Variants in NECAB1 observed in about 807,000 individuals in gnomAD.
NECAB1 encodes N-terminal EF-hand calcium-binding protein 1.
Under a neutral mutation model 57.5 loss-of-function variants are expected in NECAB1, and 29 were observed. The observed-to-expected ratio is 0.50, with a 90% CI of 0.38 to 0.69. NECAB1 has a LOEUF of 0.69. Among genes scored for constraint, NECAB1 ranks in the 30% least tolerant of loss-of-function variants. The probability of loss-of-function intolerance (pLI) is 0.00; values close to 1 mark genes in which losing one functional copy is unlikely to be tolerated. For synonymous variants in NECAB1, 142 were observed against 147.7 expected (o/e 0.96, Z 0.28); for missense variants, 372 against 413.8 (o/e 0.90, Z 0.88).
chr8:90,906,462 CA>C (rs1328385257), intron 5 of NECAB1, among the ~76,000 whole-genome samples: 2 of 152,032 alleles, frequency 1.3e-5, no homozygotes, highest in Non-Finnish European at 2.9e-5. Context: ...TCTGTTCTTC[CA>C]AAAGTTGTTA....
chr8:90,940,689 T>C, intron 9 of NECAB1, 97 bp from the exon 10 acceptor site: 1 of 834,100 alleles, frequency 1.2e-6, no homozygotes, highest in Non-Finnish European at 2.0e-6. Context: ...ATGACAATCA[T>C]CTGTTTTTGT....
chr8:90,876,801 G>C (rs560161126), intron 4 of NECAB1, among the ~76,000 whole-genome samples: 11 of 152,038 alleles, frequency 7.2e-5, no homozygotes, highest in Non-Finnish European at 1.0e-4. Context: ...CTAATATTCA[G>C]ACTCTACTTT....
At position 90,955,117 on chromosome 8, in the gene NECAB1, TA is replaced by T. The variant is rs1811005757; in HGVS notation, c.1031-369del. On this transcript the variant is annotated intron_variant, in intron 12 of 12. Transcript: ENST00000417640. ...ATAAATATTGGGTATATAAATTATA[TA>T]TATATATATATATATATATATATAT... Among the ~76,000 whole-genome samples, 19 of 86,860 alleles carry T rather than the reference TA, an allele frequency of 2.2e-4. 1 individual carries two copies. The highest frequency in any genetic ancestry group is 1.4e-3 in the African/African-American group (19 of 14,020). 57.0% of individuals were successfully genotyped at this position (86,860 alleles called of 152,430 possible).
intron 2 of NECAB1, among the ~76,000 whole-genome samples, chr8:90,824,510 C>T (rs1389307927): frequency 1.3e-5 from 2 of 151,772 alleles, no homozygotes; most frequent in African/African-American, 4.8e-5. Flanking sequence ...ACCTTGTAGA[C>T]TTATATTTTA....
At chr8:90,826,044 T>C (rs1489003330) in intron 3 of NECAB1, among the ~76,000 whole-genome samples, 1 of 151,850 alleles carries the variant, frequency 6.6e-6, no homozygotes, top group East Asian at 1.9e-4. Context: ...TTTAGCCCAA[T>C]TTTTTAGGCT....
At chr8:90,945,324 C>T (rs980696479) in intron 10 of NECAB1, among the ~76,000 whole-genome samples, 3 of 152,160 alleles carry the variant, frequency 2.0e-5, no homozygotes, top group Non-Finnish European at 4.4e-5. Context: ...CCTCAGTCTC[C>T]CAAAGTGCTG....
At chr8:90,812,657 T>G (rs1312853397) in intron 2 of NECAB1, 1 of 152,152 alleles carries the variant, frequency 6.6e-6, no homozygotes, top group Admixed American at 6.5e-5. Context: ...TTTTTCTACC[T>G]GATATCTGAG....
At chr8:90,906,881 A>ATATATATATGTATATATATATATATG (rs1563528196) in intron 5 of NECAB1, among the ~76,000 whole-genome samples, 1 of 112,646 alleles carries the variant, frequency 8.9e-6, no homozygotes, top group African/African-American at 4.1e-5. Context: ...ATACACATAT[A>ATATATATATGTATATATATATATATG]TATATATATA....
At chr8:90,891,401 G>A (rs1040794791) in intron 5 of NECAB1, among the ~76,000 whole-genome samples, 16 of 151,936 alleles carry the variant, frequency 1.1e-4, no homozygotes, top group African/African-American at 3.4e-4. Flanking sequence ...TTGTTTATTT[G>A]TAAGTTTCCT....
chr8:90,957,732 G>A lies in NECAB1; in HGVS notation c.*2220G>A, dbSNP rs1811058331. 6.8e-6 allele frequency: 1 copy of A among 146,708 alleles called. No homozygotes were observed. The highest frequency in any genetic ancestry group is 1.5e-5 in the Non-Finnish European group (1 of 66,898). The allele number at this position is 146,708 out of a possible 1,614,324, so 9.1% of individuals were successfully genotyped here. Reference sequence around the variant, plus strand: ...AAAAAAAGAAAAAACTGGGACCTAAGTATAAATATCTCATCCTAAAGTAAA... The same window carrying A: ...AAAAAAAGAAAAAACTGGGACCTAAATATAAATATCTCATCCTAAAGTAAA... On this transcript the variant is annotated 3_prime_UTR_variant, in exon 13 of 13. Coordinates refer to ENST00000417640, the MANE Select transcript of NECAB1 (RefSeq NM_022351.5).
At chr8:90,861,666 T>C (rs1490504000) in intron 3 of NECAB1, among the ~76,000 whole-genome samples, 1 of 152,202 alleles carries the variant, frequency 6.6e-6, no homozygotes, top group Non-Finnish European at 1.5e-5. Flanking sequence ...TATTAAGCAC[T>C]GGGCTAAAGA....
chr8:90,832,139 T>C (rs1454629193), intron 3 of NECAB1, among the ~76,000 whole-genome samples: 1 of 152,164 alleles, frequency 6.6e-6, no homozygotes, highest in Non-Finnish European at 1.5e-5. Context: ...GAAACCCATT[T>C]ACTTGCTTTA....
At chr8:90,851,941 A>AC in intron 3 of NECAB1, among the ~76,000 whole-genome samples, 1 of 151,294 alleles carries the variant, frequency 6.6e-6, no homozygotes, top group Non-Finnish European at 1.5e-5. Context: ...ATCCCTCCCC[A>AC]CCCCCAACCC....
chr8:90,853,087 G>T (rs1315297688), intron 3 of NECAB1, among the ~76,000 whole-genome samples: 1 of 152,254 alleles, frequency 6.6e-6, no homozygotes, highest in East Asian at 1.9e-4. Flanking sequence ...CCTTGAGGCT[G>T]CCATGGGGCC....
At chr8:90,795,161 G>C (rs942133972) in intron 1 of NECAB1, among the ~76,000 whole-genome samples, 1 of 152,166 alleles carries the variant, frequency 6.6e-6, no homozygotes, top group African/African-American at 2.4e-5. Context: ...ACTCTAGTTT[G>C]GAATACTAGT....
chr8:90,906,648 T>A (rs1809657653), intron 5 of NECAB1, among the ~76,000 whole-genome samples: 1 of 151,998 alleles, frequency 6.6e-6, no homozygotes, highest in Non-Finnish European at 1.5e-5. Flanking sequence ...ACACTTTACC[T>A]TTTATAGTGC....
At chr8:90,874,281 A>T (rs375043141) in intron 4 of NECAB1, among the ~76,000 whole-genome samples, 17 of 152,216 alleles carry the variant, frequency 1.1e-4, no homozygotes, top group African/African-American at 3.6e-4. Context: ...CTAGAAGCCA[A>T]TTAGAAGTTG....
chr8:90,838,753 G>C (rs958268547), intron 3 of NECAB1, among the ~76,000 whole-genome samples: 2 of 152,202 alleles, frequency 1.3e-5, no homozygotes, highest in Admixed American at 1.3e-4. Context: ...AAACGAAGTT[G>C]AATGAAACAA....
intron 12 of NECAB1, among the ~76,000 whole-genome samples, chr8:90,955,112 T>TATATATATATA (rs1811003571): frequency 4.2e-5 from 3 of 70,808 alleles, no homozygotes; most frequent in South Asian, 1.1e-3. Flanking sequence ...GGTATATAAA[T>TATATATATATA]TATATATATA....
Sources: gnomAD v4.1 joint callset for allele counts (sites outside exome capture counted in the v4.1 genomes callset) on GRCh38, gnomAD v4.1.1 for gene constraint, MANE v1.5 for transcripts, NCBI Gene and HGNC (gene_info 2026-07-23, HGNC 2026-07-21) for gene names.